HIVEP3: variants seen among roughly 807,000 people sequenced by gnomAD.
The protein encoded by HIVEP3 is transcription factor HIVEP3.
In HIVEP3, 49 loss-of-function variants were observed where a neutral mutation model predicts 152.8. That is an observed-to-expected ratio of 0.32 (90% CI 0.26 to 0.41). The LOEUF is 0.41. Ranked by LOEUF, HIVEP3 falls within the 10% of genes least tolerant of loss-of-function variation. The pLI, the probability that HIVEP3 is intolerant of heterozygous loss-of-function variation, is 1.00. For synonymous variants in HIVEP3, 1,269 were observed against 1,289.0 expected (o/e 0.98, Z 0.33); for missense variants, 2,790 against 3,103.3 (o/e 0.90, Z 2.40).
intron 2 of HIVEP3, among the ~76,000 whole-genome samples, chr1:41,683,913 C>A (rs901562729): frequency 6.6e-6 from 1 of 152,198 alleles, no homozygotes; most frequent in African/African-American, 2.4e-5. Flanking sequence ...ACCCTCATAA[C>A]CCATGGAGGA....
In HIVEP3 at chr1:41,583,871, G is replaced by A. The variant is rs35798350; in HGVS notation, c.927C>T (p.Ser309=). ...TGTGGCTCCCAGAGCTGTATAGCCCGCTGGAGAGAAGGGGCTGCTTGGGTC... is the reference window on the plus strand; with the variant it reads ...TGTGGCTCCCAGAGCTGTATAGCCCACTGGAGAGAAGGGGCTGCTTGGGTC... ...SPRPKQPLLS[S]GLYSSGSHSS... is the part of the protein sequence containing the mutation. Residue 309 remains serine (S), a synonymous_variant, in exon 4 of 9, where the codon AGC becomes AGT. Transcript: ENST00000372583. This position sits in a 1 kb window ranked among gnomAD's most constrained non-coding sequence, Gnocchi z 6.9. 4.3e-3 allele frequency: 6,963 copies of A among 1,613,530 alleles called. 257 individuals carry two copies. The African/African-American group carries it at 0.082, about 19-fold the overall frequency.
At chr1:41,648,293 G>T (rs1029483647) in intron 2 of HIVEP3, among the ~76,000 whole-genome samples, 27 of 152,200 alleles carry the variant, frequency 1.8e-4, no homozygotes, top group African/African-American at 6.0e-4. Flanking sequence ...CCTCCTACCT[G>T]CTGGGCACTG....
At chr1:41,963,794 A>G (rs1645182557) in intron 1 of HIVEP3, among the ~76,000 whole-genome samples, 1 of 152,214 alleles carries the variant, frequency 6.6e-6, no homozygotes, top group African/African-American at 2.4e-5. Context: ...AACCAATGGG[A>G]CAAGCTTATA....
At chr1:42,005,389 C>CATGTGTATATATATACACACAT (rs1164663668) in intron 1 of HIVEP3, among the ~76,000 whole-genome samples, 58 of 152,042 alleles carry the variant, frequency 3.8e-4, no homozygotes, top group African/African-American at 1.2e-3. Flanking sequence ...ATGACACACA[C>CATGTGTATATATATACACACAT]ATGTGTATAT....
intron 1 of HIVEP3, among the ~76,000 whole-genome samples, chr1:41,734,444 C>G (rs796294172): frequency 5.9e-5 from 9 of 152,350 alleles, no homozygotes; most frequent in African/African-American, 1.7e-4. Context: ...CCAGCCACCC[C>G]CTCCCATGCC....
chr1:41,839,742 T>C lies in HIVEP3; in HGVS notation c.-801+78671A>G, dbSNP rs571857988. Among the ~76,000 whole-genome samples the C allele has an allele frequency of 2.6e-5, 4 of 152,350 alleles. No individual in the cohort carries two copies. The East Asian group carries it at 7.7e-4, about 29-fold the overall frequency. ...GTGAAATGCAGCCTGGCTGGCTGTA[T>C]GTCACAGAGGATTTTTCCTAATCAA... On this transcript the variant is annotated intron_variant, in intron 1 of 8. Coordinates refer to ENST00000372583, the MANE Select transcript of HIVEP3 (RefSeq NM_024503.5).
intron 4 of HIVEP3, among the ~76,000 whole-genome samples, chr1:41,576,133 T>C (rs976000524): frequency 5.9e-5 from 9 of 152,214 alleles, no homozygotes; most frequent in African/African-American, 1.9e-4. Flanking sequence ...GGTCCAGTTC[T>C]TGTTTATAGA....
intron 1 of HIVEP3, among the ~76,000 whole-genome samples, chr1:41,763,803 G>A (rs1295379504): frequency 6.6e-6 from 1 of 152,224 alleles, no homozygotes; most frequent in Non-Finnish European, 1.5e-5. Flanking sequence ...GGTGTTTGGT[G>A]ACAAATGTCA....
At chr1:41,543,775 T>A (rs1307537887) in intron 5 of HIVEP3, 1 of 152,278 alleles carries the variant, frequency 6.6e-6, no homozygotes, top group Non-Finnish European at 1.5e-5. Context: ...TGGAGGCTGC[T>A]ATAGACGTGG....
intron 3 of HIVEP3, among the ~76,000 whole-genome samples, chr1:41,616,569 CTTT>C (rs35360287): frequency 1.6e-5 from 2 of 127,722 alleles, no homozygotes; most frequent in Non-Finnish European, 1.6e-5. Context: ...ATAGCAATTA[CTTT>C]TTTTTTTTTT....
In HIVEP3 at chr1:41,628,942, C is replaced by T. The variant is rs1412929217; in HGVS notation, c.-715G>A. 1.6e-6 allele frequency: 2 copies of T among 1,230,342 alleles called. No homozygotes were observed. Among genetic ancestry groups the T allele is most frequent in the Non-Finnish European group, 1.0e-6 (1 of 987,386 alleles). The allele number at this position is 1,230,342 out of a possible 1,614,324, so 76.2% of individuals were successfully genotyped here. A position where few individuals can be genotyped will look rare whatever the true frequency, so the allele number is the denominator to read the frequency against. The stretch of plus-strand genomic sequence containing the variant: ...GGTTGAGGCTGCTGGGTTTGTGCCT[C>T]GAATCCTGCAGGAGATGATTGAGAA... On this transcript the variant is annotated 5_prime_UTR_variant, in exon 3 of 9. Coordinates refer to ENST00000372583, the MANE Select transcript of HIVEP3 (RefSeq NM_024503.5).
chr1:42,025,968 G>A (rs1645579467), intron 1 of HIVEP3, among the ~76,000 whole-genome samples: 2 of 151,940 alleles, frequency 1.3e-5, no homozygotes, highest in South Asian at 4.2e-4. Flanking sequence ...CTACCCAGAG[G>A]ATGAGGTGAG....
intron 5 of HIVEP3, among the ~76,000 whole-genome samples, chr1:41,558,824 G>T (rs1644009780): frequency 6.6e-6 from 1 of 152,168 alleles, no homozygotes; most frequent in Admixed American, 6.5e-5. Flanking sequence ...CTGCCAGCTG[G>T]TCACAAGGCC....
At chr1:41,814,429 A>G (rs892531830) in intron 1 of HIVEP3, among the ~76,000 whole-genome samples, 4 of 152,188 alleles carry the variant, frequency 2.6e-5, no homozygotes, top group African/African-American at 4.8e-5. Context: ...CCCATTCCAC[A>G]TATGAGTAAA....
At position 41,544,944 on chromosome 1, in the gene HIVEP3, A is replaced by ACCATCACCT. The variant is rs1450777092; in HGVS notation, c.5208-20035_5208-20034insAGGTGATGG. ...TACCACCACCATCACCACCACCACC[A>ACCATCACCT]CTACCACCTCTACCATCACCACCAC... is the stretch of plus-strand genomic sequence containing the variant. On this transcript the variant is annotated intron_variant, in intron 5 of 8. Coordinates refer to ENST00000372583, the MANE Select transcript of HIVEP3 (RefSeq NM_024503.5). 2.2e-3 allele frequency among the ~76,000 whole-genome samples: 25 copies of ACCATCACCT among 11,544 alleles called. 10 individuals carry two copies. Among genetic ancestry groups the ACCATCACCT allele is most frequent in the African/African-American group, 2.1e-3 (3 of 1,456 alleles). 7.6% of individuals were successfully genotyped at this position (11,544 alleles called of 152,430 possible).
At chr1:41,939,883 A>G (rs2124484606) in intron 1 of HIVEP3, among the ~76,000 whole-genome samples, 1 of 150,262 alleles carries the variant, frequency 6.7e-6, no homozygotes, top group East Asian at 2.0e-4. Context: ...TTTATTTCCC[A>G]TTTTTCTTTT....
chr1:41,911,697 G>A (rs992785534), intron 1 of HIVEP3, among the ~76,000 whole-genome samples: 11 of 152,106 alleles, frequency 7.2e-5, no homozygotes, highest in Admixed American at 3.9e-4. Context: ...TCATTCAATG[G>A]AATATTATGG....
intron 1 of HIVEP3, among the ~76,000 whole-genome samples, chr1:41,749,436 G>A (rs1343117713): frequency 6.6e-6 from 1 of 152,134 alleles, no homozygotes; most frequent in South Asian, 2.1e-4. Flanking sequence ...GTGTGTGATG[G>A]AGAGACAGAG....
In HIVEP3 at chr1:41,582,256, C is replaced by T. The variant is rs1160617014; in HGVS notation, c.2542G>A (p.Val848Ile). Residue 848 changes from valine to isoleucine, a missense_variant, in exon 4 of 9, where the codon GTC becomes ATC. Transcript: ENST00000372583. The surrounding 1 kb of genome is among the most constrained non-coding windows in gnomAD (Gnocchi z 4.7). The part of the protein sequence containing the change: ...RSAHSLQPKL[V>I]RQPNIQVPEI... ...GGAACCTGAATGTTGGGCTGGCGGA[C>T]CAACTTAGGCTGCAGGGAGTGAGCA... 5.0e-6 allele frequency: 8 copies of T among 1,613,634 alleles called. No homozygotes were observed. Among genetic ancestry groups the T allele is most frequent in the Non-Finnish European group, 5.9e-6 (7 of 1,179,808 alleles).
Sources: gnomAD v4.1 joint callset for allele counts (sites outside exome capture counted in the v4.1 genomes callset) on GRCh38, gnomAD v4.1.1 for gene constraint, Gnocchi (gnomAD v3.1) non-coding constraint, MANE v1.5 for transcripts, NCBI Gene and HGNC (gene_info 2026-07-23, HGNC 2026-07-21) for gene names.